MINPP1: variants seen among roughly 807,000 people sequenced by gnomAD.
MINPP1 encodes the protein multiple inositol-polyphosphate phosphatase 1.
In MINPP1, 28 loss-of-function variants were observed where a neutral mutation model predicts 46.1. The observed-to-expected ratio is 0.61, with a 90% CI of 0.45 to 0.83. The LOEUF (loss-of-function observed/expected upper bound fraction) is 0.83, where lower values mean the gene tolerates loss of function less well. MINPP1 is among the 40% of genes least tolerant of loss of function. The pLI is 0.00. For missense variants in MINPP1, 603 were observed against 610.0 expected (o/e 0.99, Z 0.12); for synonymous variants, 268 against 249.1 (o/e 1.08, Z -0.72).
intron 3 of MINPP1, 92 bp from the exon 4 acceptor site, chr10:87,520,944 A>G (rs1156230564): frequency 4.6e-6 from 3 of 654,488 alleles, no homozygotes; most frequent in Non-Finnish European, 8.0e-6. Flanking sequence ...GTAATTAAAC[A>G]TTGTAACCAT....
At chr10:87,547,015 AAG>A (rs1463806447) in intron 4 of MINPP1, among the ~76,000 whole-genome samples, 1 of 152,204 alleles carries the variant, frequency 6.6e-6, no homozygotes, top group Non-Finnish European at 1.5e-5. Context: ...CATGTTGCTG[AAG>A]AGTGTTACTA....
At chr10:87,535,070 G>C (rs116385606) in intron 4 of MINPP1, among the ~76,000 whole-genome samples, 1 of 152,312 alleles carries the variant, frequency 6.6e-6, no homozygotes, top group Middle Eastern at 3.4e-3. Context: ...AGTCAAAAGC[G>C]AAAGGATGCT....
At chr10:87,530,200 T>C (rs1851637680) in intron 4 of MINPP1, among the ~76,000 whole-genome samples, 1 of 152,228 alleles carries the variant, frequency 6.6e-6, no homozygotes, top group Non-Finnish European at 1.5e-5. Context: ...TCTGAAGCCT[T>C]CTTCTCTCAA....
chr10:87,538,270 G>C (rs1446627636), intron 4 of MINPP1, among the ~76,000 whole-genome samples: 4 of 152,168 alleles, frequency 2.6e-5, no homozygotes, highest in Non-Finnish European at 5.9e-5. Flanking sequence ...AATTCAGCCA[G>C]TGTGGCCTCC....
At chr10:87,522,999 C>T (rs1218164547) in intron 4 of MINPP1, among the ~76,000 whole-genome samples, 3 of 152,198 alleles carry the variant, frequency 2.0e-5, no homozygotes, top group Non-Finnish European at 2.9e-5. Flanking sequence ...CCACTTTGTT[C>T]ATCCATAAGA....
chr10:87,513,102 T>A, intron 2 of MINPP1, 22 bp from the exon 3 acceptor site: 1 of 1,592,654 alleles, frequency 6.3e-7, no homozygotes, highest in South Asian at 1.1e-5. Flanking sequence ...ACCCACAAAA[T>A]TTTACCTTTT....
chr10:87,552,785 C>T lies in MINPP1; in HGVS notation c.*307C>T. 2.7e-6 allele frequency: 1 copy of T among 365,362 alleles called. No individual in the cohort carries two copies. The highest frequency in any genetic ancestry group is 2.9e-5 in the South Asian group (1 of 34,516). 22.6% of individuals were successfully genotyped at this position (365,362 alleles called of 1,614,324 possible). On this transcript the variant is annotated 3_prime_UTR_variant, in exon 5 of 5. Coordinates refer to ENST00000371996, the MANE Select transcript of MINPP1 (RefSeq NM_004897.5). The stretch of plus-strand genomic sequence containing the variant: ...TCACACTGAGATAGAATTGTGATTT[C>T]ATAATAACACTTGAAAAGTGCTGGA...
rs1851274417 is a variant in MINPP1 at position 87,507,790 on chromosome 10, A to G, written c.638-546A>G. The G allele has an allele frequency of 5.1e-6, 5 of 985,722 alleles. No individual in the cohort carries two copies. The South Asian group carries it at 1.9e-4, about 37-fold the overall frequency. 61.1% of individuals were successfully genotyped at this position (985,722 alleles called of 1,614,324 possible). ...CTTCAGTTAAAAGATAAACCAATTCACAGGCCCAGCACAGTGAAGCACAGG... is the reference window on the plus strand; with the variant it reads ...CTTCAGTTAAAAGATAAACCAATTCGCAGGCCCAGCACAGTGAAGCACAGG... On this transcript the variant is annotated intron_variant, in intron 1 of 4. Coordinates refer to ENST00000371996, the MANE Select transcript of MINPP1 (RefSeq NM_004897.5).
At position 87,505,606 on chromosome 10, in the gene MINPP1, G is replaced by A. The variant is rs1851234724; in HGVS notation, c.637+54G>A. 9 of 1,510,250 alleles carry A rather than the reference G, an allele frequency of 6.0e-6. 1 individual carries two copies. The South Asian group carries it at 1.1e-4, about 18-fold the overall frequency. 93.6% of individuals were successfully genotyped at this position (1,510,250 alleles called of 1,614,324 possible). A position where few individuals can be genotyped will look rare whatever the true frequency, so the allele number is the denominator to read the frequency against. ...CCCGGTCCTCCCACCCGCCCTGGAT[G>A]CTCTCCCGCCTCCCCCAGACCCTGG... On this transcript the variant is annotated intron_variant, in intron 1 of 4. Transcript: ENST00000371996. This position sits in a 1 kb window ranked among gnomAD's most constrained non-coding sequence, Gnocchi z 4.4.
intron 4 of MINPP1, among the ~76,000 whole-genome samples, chr10:87,535,872 T>C (rs1196132535): frequency 6.6e-6 from 1 of 152,138 alleles, no homozygotes; most frequent in Non-Finnish European, 1.5e-5. Context: ...GAGTCTAGGG[T>C]GAGCCGTGAT....
At chr10:87,537,478 T>G (rs1851752293) in intron 4 of MINPP1, among the ~76,000 whole-genome samples, 1 of 131,628 alleles carries the variant, frequency 7.6e-6, no homozygotes, top group Non-Finnish European at 1.6e-5. Flanking sequence ...CTTTATTTTG[T>G]GTGCTTTTTA....
intron 4 of MINPP1, among the ~76,000 whole-genome samples, chr10:87,533,263 A>G (rs553766880): frequency 4.7e-4 from 71 of 152,246 alleles, no homozygotes; most frequent in African/African-American, 1.7e-3. Flanking sequence ...ACTTCATGGA[A>G]AAAATGGAAG....
rs201618662 is a variant in MINPP1 at position 87,508,459 on chromosome 10, C to G, written c.761C>G (p.Thr254Ser). The G allele has an allele frequency of 1.2e-6, 2 of 1,613,836 alleles. No homozygotes were observed. The highest frequency in any genetic ancestry group is 2.7e-5 in the African/African-American group (2 of 75,018). The change falls in exon 2 of 5, where the codon ACT becomes AGT. Residue 254 changes from threonine (T) to serine (S), a missense_variant. This residue lies in a region of MINPP1 where 344 missense variants were observed against 381.1 expected (regional missense o/e 0.90). Transcript: ENST00000371996. Reference protein sequence around the residue: ...TALYHVEAFKTGPEMQNILKK... With the variant: ...TALYHVEAFKSGPEMQNILKK... ...CTTTATCACGTGGAAGCCTTCAAAA[C>G]TGGACCAGAAATGCAGAACATTTTA...
chr10:87,527,950 C>G (rs1384603933), intron 4 of MINPP1, among the ~76,000 whole-genome samples: 1 of 152,084 alleles, frequency 6.6e-6, no homozygotes. Flanking sequence ...GTGTATGTGT[C>G]CAGGAATTTG....
intron 4 of MINPP1, among the ~76,000 whole-genome samples, chr10:87,529,096 T>C (rs1851620387): frequency 6.6e-6 from 1 of 152,226 alleles, no homozygotes; most frequent in African/African-American, 2.4e-5. Flanking sequence ...TTTGAGCCTA[T>C]GTGTGTCTCT....
At chr10:87,543,249 G>T (rs569069331) in intron 4 of MINPP1, among the ~76,000 whole-genome samples, 152 of 152,322 alleles carry the variant, frequency 1.0e-3, no homozygotes, top group African/African-American at 3.5e-3. Context: ...ATACAAAAGG[G>T]AAGCAGAGTG....
intron 4 of MINPP1, among the ~76,000 whole-genome samples, chr10:87,547,759 A>G (rs954644416): frequency 5.3e-5 from 8 of 152,318 alleles, no homozygotes; most frequent in African/African-American, 1.7e-4. Context: ...TCAGCACACC[A>G]CTAATTTGTG....
At position 87,533,160 on chromosome 10, in the gene MINPP1, C is replaced by T. The variant is rs549569998; in HGVS notation, c.1067+11991C>T. ...CCTTGTTAGAATGTTAGTATGTATACAGATTGGTTTTTTTTAATATTAACA... is the reference window on the plus strand; with the variant it reads ...CCTTGTTAGAATGTTAGTATGTATATAGATTGGTTTTTTTTAATATTAACA... On this transcript the variant is annotated intron_variant, in intron 4 of 4. Coordinates refer to ENST00000371996, the MANE Select transcript of MINPP1 (RefSeq NM_004897.5). Among the ~76,000 whole-genome samples, 27 of 152,054 alleles carry T rather than the reference C, an allele frequency of 1.8e-4. No individual in the cohort carries two copies. In the South Asian group the frequency reaches 3.5e-3, roughly 20 times the overall value.
In MINPP1 at chr10:87,552,158, G is replaced by A. The variant is rs779371866; in HGVS notation, c.1144G>A (p.Gly382Ser). The A allele has an allele frequency of 7.4e-6, 12 of 1,613,390 alleles. No homozygotes were observed. Among genetic ancestry groups the A allele is most frequent in the Non-Finnish European group, 9.3e-6 (11 of 1,179,718 alleles). Residue 382 changes from glycine (G) to serine (S), a missense_variant, in exon 5 of 5, where the codon GGC (glycine) becomes AGC (serine). Coordinates refer to ENST00000371996, the MANE Select transcript of MINPP1 (RefSeq NM_004897.5). The stretch of plus-strand genomic sequence containing the variant: ...TCTTCTTCCACTGCTTTCTCTCATG[G>A]GCTACTTCAAAGACAAGGAACCCCT... Reference protein sequence around the residue: ...ETLLPLLSLMGYFKDKEPLTA... With the variant: ...ETLLPLLSLMSYFKDKEPLTA...
Sources: allele counts gnomAD v4.1 joint callset (sites outside exome capture counted in the v4.1 genomes callset), GRCh38; gene constraint gnomAD v4.1.1; regional missense constraint gnomAD v4.1.1; non-coding constraint Gnocchi (gnomAD v3.1); transcripts MANE v1.5; gene names NCBI Gene and HGNC (gene_info 2026-07-23, HGNC 2026-07-21).